ROBO1: variants seen among roughly 807,000 people sequenced by gnomAD.
ROBO1 encodes the protein roundabout guidance receptor 1.
A neutral mutation model predicts 195.9 loss-of-function variants in ROBO1; 149 were observed. The ratio of observed to expected loss-of-function variants is 0.76; its 90% CI spans 0.67 to 0.87. The LOEUF (loss-of-function observed/expected upper bound fraction) is 0.87, where lower values mean the gene tolerates loss of function less well. Among genes scored for constraint, ROBO1 ranks in the 40% least tolerant of loss-of-function variants. ROBO1 has a pLI of 0.00. For missense variants in ROBO1, 1,933 were observed against 2,068.3 expected, an observed-to-expected ratio of 0.93 and a Z score of 1.27; for synonymous variants, 816 against 733.2, an observed-to-expected ratio of 1.11 and a Z score of -1.82.
intron 4 of ROBO1, among the ~76,000 whole-genome samples, chr3:78,908,988 A>G (rs1255414318): frequency 1.3e-5 from 2 of 151,908 alleles, no homozygotes; most frequent in Admixed American, 1.3e-4. Flanking sequence ...AAATATGAAC[A>G]TTAAGTTTGA....
intron 4 of ROBO1, among the ~76,000 whole-genome samples, chr3:78,901,391 T>C (rs1184050412): frequency 6.6e-6 from 1 of 152,168 alleles, no homozygotes; most frequent in East Asian, 1.9e-4. Flanking sequence ...CTTAAACATG[T>C]ACAAAGAAAA....
At chr3:78,626,731 G>A (rs1279986607) in intron 26 of ROBO1, among the ~76,000 whole-genome samples, 1 of 146,876 alleles carries the variant, frequency 6.8e-6, no homozygotes, top group Non-Finnish European at 1.5e-5. Context: ...GTTTAAAAAA[G>A]TCTAAGCACA....
chr3:79,346,005 A>G (rs2035100055), intron 2 of ROBO1, among the ~76,000 whole-genome samples: 1 of 152,112 alleles, frequency 6.6e-6, no homozygotes, highest in African/African-American at 2.4e-5. Flanking sequence ...TATTTCTGAG[A>G]GTCTATGGAG....
At chr3:79,196,289 T>C (rs2081633374) in intron 2 of ROBO1, among the ~76,000 whole-genome samples, 1 of 150,248 alleles carries the variant, frequency 6.7e-6, no homozygotes, top group African/African-American at 2.4e-5. Flanking sequence ...TTTTTTTTTT[T>C]TTCAGTTGGA....
At chr3:79,521,115 A>G (rs1162564384) in intron 2 of ROBO1, among the ~76,000 whole-genome samples, 3 of 152,096 alleles carry the variant, frequency 2.0e-5, no homozygotes, top group African/African-American at 7.2e-5. Context: ...GAAAGCAATC[A>G]TCTCCTCTCC....
chr3:79,697,555 C>A (rs940352008), intron 1 of ROBO1, among the ~76,000 whole-genome samples: 5 of 150,892 alleles, frequency 3.3e-5, no homozygotes, highest in Non-Finnish European at 5.9e-5. Context: ...TATTTTAATG[C>A]ATAAAAAGGA....
intron 3 of ROBO1, among the ~76,000 whole-genome samples, chr3:79,051,436 G>C (rs549630845): frequency 3.3e-5 from 5 of 152,200 alleles, no homozygotes. Flanking sequence ...ACCAAAAAAA[G>C]TCCAGGACCA....
intron 4 of ROBO1, among the ~76,000 whole-genome samples, chr3:78,879,882 T>A (rs1457634647): frequency 6.6e-6 from 1 of 152,150 alleles, no homozygotes; most frequent in African/African-American, 2.4e-5. Context: ...ATCTAAAGTC[T>A]GCAACACTGT....
At chr3:79,521,933 G>T (rs537070873) in intron 2 of ROBO1, among the ~76,000 whole-genome samples, 1 of 152,074 alleles carries the variant, frequency 6.6e-6, no homozygotes, top group Non-Finnish European at 1.5e-5. Flanking sequence ...AACATTACAT[G>T]GTTGGTTTAC....
intron 1 of ROBO1, among the ~76,000 whole-genome samples, chr3:79,591,097 C>A (rs551675617): frequency 2.0e-5 from 3 of 151,668 alleles, no homozygotes; most frequent in Non-Finnish European, 1.5e-5. Context: ...TTTAGATTTG[C>A]GAGTTGGGAA....
intron 2 of ROBO1, among the ~76,000 whole-genome samples, chr3:79,437,506 T>C (rs907363292): frequency 5.2e-5 from 7 of 134,590 alleles, no homozygotes; most frequent in East Asian, 2.3e-4. Flanking sequence ...AGAAGTTATA[T>C]TGGTAATAGC....
intron 22 of ROBO1, 106 bp from the exon 23 acceptor site, chr3:78,636,214 T>C: frequency 1.3e-6 from 1 of 747,440 alleles, no homozygotes; most frequent in South Asian, 2.0e-5. Context: ...TTATGTAAAG[T>C]ACAAGTGGGC....
At chr3:78,914,019 T>C (rs1343547507) in intron 4 of ROBO1, among the ~76,000 whole-genome samples, 1 of 152,168 alleles carries the variant, frequency 6.6e-6, no homozygotes, top group Non-Finnish European at 1.5e-5. Flanking sequence ...GTGATTTTCA[T>C]CTTATCTGAG....
At chr3:79,172,671 T>C (rs2081188632) in intron 2 of ROBO1, among the ~76,000 whole-genome samples, 1 of 152,128 alleles carries the variant, frequency 6.6e-6, no homozygotes, top group African/African-American at 2.4e-5. Flanking sequence ...TTTTTTTGGA[T>C]CCTGAATTAT....
chr3:79,196,574 C>A (rs570635343), intron 2 of ROBO1, among the ~76,000 whole-genome samples: 1 of 151,782 alleles, frequency 6.6e-6, no homozygotes, highest in South Asian at 2.1e-4. Flanking sequence ...AATGGCTACC[C>A]AATTTTAGTC....
Position 78,627,540 on chromosome 3 carries a change from G to A in ROBO1, c.3656C>T (p.Pro1219Leu). 6.2e-7 allele frequency: 1 copy of A among 1,613,152 alleles called. No individual in the cohort carries two copies. The highest frequency in any genetic ancestry group is 1.3e-5 in the African/African-American group (1 of 75,016). ...TTGTTGCAAATACATCCTTGCTGGT[G>A]GCACGGGACATGGCATTTCTTGGTC... ...SYDQEMPCPV[P>L]PARMYLQQDE... The change falls in exon 26 of 31, where the codon CCA (proline) becomes CTA (leucine). Residue 1219 changes from proline (P) to leucine (L), a missense_variant. Coordinates refer to ENST00000464233, the MANE Select transcript of ROBO1 (RefSeq NM_002941.4).
At chr3:79,267,525 A>C (rs1326127149) in intron 2 of ROBO1, among the ~76,000 whole-genome samples, 1 of 150,598 alleles carries the variant, frequency 6.6e-6, no homozygotes, top group East Asian at 2.0e-4. Flanking sequence ...AGTGGTGGGA[A>C]TCTTGTGTTT....
intron 1 of ROBO1, among the ~76,000 whole-genome samples, chr3:79,628,263 T>G (rs1945237859): frequency 6.6e-6 from 1 of 151,992 alleles, no homozygotes; most frequent in Non-Finnish European, 1.5e-5. Context: ...GACATAGATA[T>G]ATCATCAATG....
chr3:79,641,375 A>G (rs577656093), intron 1 of ROBO1, among the ~76,000 whole-genome samples: 5 of 152,224 alleles, frequency 3.3e-5, no homozygotes, highest in Admixed American at 1.3e-4. Flanking sequence ...TCAAATATAT[A>G]GACTTTTTCA....
Sources: allele counts gnomAD v4.1 joint callset (sites outside exome capture counted in the v4.1 genomes callset), GRCh38; gene constraint gnomAD v4.1.1; transcripts MANE v1.5; gene names NCBI Gene and HGNC (gene_info 2026-07-23, HGNC 2026-07-21).